PRKCA: variants seen among roughly 807,000 people sequenced by gnomAD.
The protein encoded by PRKCA is protein kinase C alpha.
In PRKCA, 27 loss-of-function variants were observed where a neutral mutation model predicts 87.0. The ratio of observed to expected loss-of-function variants is 0.31; its 90% CI spans 0.23 to 0.43. PRKCA has a LOEUF of 0.43. Ranked by LOEUF, PRKCA falls within the 20% of genes least tolerant of loss-of-function variation. The pLI is 1.00. For missense variants in PRKCA, 518 were observed against 852.3 expected (o/e 0.61, Z 4.88); for synonymous variants, 329 against 311.1 (o/e 1.06, Z -0.61).
At chr17:66,408,367 T>C (rs768656780) in intron 2 of PRKCA, among the ~76,000 whole-genome samples, 4 of 152,218 alleles carry the variant, frequency 2.6e-5, no homozygotes, top group Non-Finnish European at 1.5e-5. Context: ...GAGAACTGCA[T>C]TTTAGGGCAT....
chr17:66,786,486 C>G (rs540054785), intron 14 of PRKCA, among the ~76,000 whole-genome samples: 7 of 152,316 alleles, frequency 4.6e-5, no homozygotes, highest in African/African-American at 1.7e-4. Flanking sequence ...CGGCCACCCC[C>G]ACCTTCTGAC....
intron 2 of PRKCA, among the ~76,000 whole-genome samples, chr17:66,346,568 A>C (rs1481001570): frequency 6.6e-6 from 1 of 152,038 alleles, no homozygotes; most frequent in Admixed American, 6.6e-5. Flanking sequence ...TAGTATGAAA[A>C]CTACAGATCC....
At chr17:66,671,209 C>CAAAAAAAAAAA (rs778507190) in intron 5 of PRKCA, among the ~76,000 whole-genome samples, 20 of 48,452 alleles carry the variant, frequency 4.1e-4, no homozygotes, top group African/African-American at 1.7e-3. Flanking sequence ...AGACTCATCT[C>CAAAAAAAAAAA]AAAAAAAAAA....
chr17:66,708,138 C>T (rs542948372), intron 8 of PRKCA, among the ~76,000 whole-genome samples: 2 of 152,302 alleles, frequency 1.3e-5, no homozygotes, highest in South Asian at 4.2e-4. Flanking sequence ...CTTCCCAGTT[C>T]ATCAGGCCGA....
intron 2 of PRKCA, among the ~76,000 whole-genome samples, chr17:66,422,224 T>G (rs1015979871): frequency 1.3e-5 from 2 of 152,128 alleles, no homozygotes; most frequent in African/African-American, 2.4e-5. Context: ...GGATTGGGAC[T>G]TTAACATGAG....
chr17:66,330,433 CA>C (rs543909039), intron 2 of PRKCA, among the ~76,000 whole-genome samples: 195 of 152,206 alleles, frequency 1.3e-3, no homozygotes, highest in Middle Eastern at 3.4e-3. Context: ...ATATGTGACT[CA>C]GGGAGGTACC....
chr17:66,572,015 T>C (rs1352914841), intron 3 of PRKCA, among the ~76,000 whole-genome samples: 1 of 152,208 alleles, frequency 6.6e-6, no homozygotes, highest in Non-Finnish European at 1.5e-5. Flanking sequence ...TGGGATGCTG[T>C]CTGTTCACTT....
chr17:66,562,150 TA>T (rs1968722436), intron 3 of PRKCA, among the ~76,000 whole-genome samples: 1 of 87,342 alleles, frequency 1.1e-5, no homozygotes, highest in African/African-American at 5.0e-5. Context: ...TATATATAAT[TA>T]AATTATATAT....
At chr17:66,353,308 CCTT>C (rs1358288076) in intron 2 of PRKCA, among the ~76,000 whole-genome samples, 2 of 152,086 alleles carry the variant, frequency 1.3e-5, no homozygotes, top group Non-Finnish European at 2.9e-5. Context: ...CTTTTGGTAA[CCTT>C]CTATTTGGGC....
intron 14 of PRKCA, among the ~76,000 whole-genome samples, chr17:66,780,672 T>A (rs1296582092): frequency 6.7e-6 from 1 of 149,680 alleles, no homozygotes; most frequent in Non-Finnish European, 1.5e-5. Flanking sequence ...CAAGACTTAG[T>A]CTCAAAAAAA....
Position 66,808,538 on chromosome 17 carries a change from G to A in PRKCA, c.*4501G>A, listed in dbSNP as rs1253026151. On this transcript the variant is annotated 3_prime_UTR_variant, in exon 17 of 17. Coordinates refer to ENST00000413366, the MANE Select transcript of PRKCA (RefSeq NM_002737.3). ...TAGGAGTGCCTGTTTCCCCTGCTGG[G>A]CACACCAGACAATCGTAATCACAAA... The A allele has an allele frequency of 6.6e-6, 1 of 152,120 alleles. No homozygotes were observed. The highest frequency in any genetic ancestry group is 1.5e-5 in the Non-Finnish European group (1 of 68,020). The allele number at this position is 152,120 out of a possible 1,614,324, so 9.4% of individuals were successfully genotyped here. A position where few individuals can be genotyped will look rare whatever the true frequency, so the allele number is the denominator to read the frequency against.
chr17:66,764,261 G>A (rs2144306210), intron 13 of PRKCA, among the ~76,000 whole-genome samples: 2 of 152,312 alleles, frequency 1.3e-5, no homozygotes, highest in South Asian at 2.1e-4. Flanking sequence ...ATTGCCAGTG[G>A]CATCTAAAAC....
intron 14 of PRKCA, chr17:66,775,698 A>C: frequency 2.0e-6 from 2 of 985,432 alleles, no homozygotes; most frequent in Non-Finnish European, 2.4e-6. Flanking sequence ...GTTTCTGGGG[A>C]AAAAGTCTTC....
chr17:66,654,489 C>G (rs1971680293), intron 5 of PRKCA, among the ~76,000 whole-genome samples: 1 of 152,220 alleles, frequency 6.6e-6, no homozygotes, highest in Admixed American at 6.5e-5. Context: ...GCTCCCGCAG[C>G]CTGCCCAGCT....
chr17:66,767,547 A>G (rs1012156395), intron 13 of PRKCA, among the ~76,000 whole-genome samples: 2 of 152,152 alleles, frequency 1.3e-5, no homozygotes, highest in Non-Finnish European at 2.9e-5. Context: ...ACTTACATGA[A>G]GGAGGAAGTT....
chr17:66,379,768 T>C (rs1326005700), intron 2 of PRKCA, among the ~76,000 whole-genome samples: 1 of 152,226 alleles, frequency 6.6e-6, no homozygotes, highest in African/African-American at 2.4e-5. Flanking sequence ...CTTATGCTTT[T>C]GGCGTCATAG....
At chr17:66,460,977 G>T (rs531488474) in intron 2 of PRKCA, among the ~76,000 whole-genome samples, 1 of 152,052 alleles carries the variant, frequency 6.6e-6, no homozygotes, top group Non-Finnish European at 1.5e-5. Context: ...AGGTTGAGGC[G>T]GGTGGATCAT....
At chr17:66,747,449 A>C (rs1229062033) in intron 13 of PRKCA, among the ~76,000 whole-genome samples, 1 of 152,184 alleles carries the variant, frequency 6.6e-6, no homozygotes, top group Non-Finnish European at 1.5e-5. Context: ...GTTAGACCAC[A>C]CACAAAGGAC....
chr17:66,457,706 T>A (rs1048931553), intron 2 of PRKCA, among the ~76,000 whole-genome samples: 3 of 152,138 alleles, frequency 2.0e-5, no homozygotes, highest in Admixed American at 6.5e-5. Context: ...TGCTCTGCAC[T>A]TCTCCTTGCT....
Sources: gnomAD v4.1 joint callset for allele counts (sites outside exome capture counted in the v4.1 genomes callset) on GRCh38, gnomAD v4.1.1 for gene constraint, MANE v1.5 for transcripts, NCBI Gene and HGNC (gene_info 2026-07-23, HGNC 2026-07-21) for gene names.